The following TAFA5 variants were observed in gnomAD, a reference collection of about 807,000 sequenced individuals.
TAFA5 encodes the protein chemokine-like protein TAFA-5.
TAFA5 carries 6 observed loss-of-function variants against 15.3 expected under a neutral mutation model. The observed-to-expected ratio is 0.39, with a 90% confidence interval of 0.21 to 0.77. The LOEUF (loss-of-function observed/expected upper bound fraction) is 0.77. Among genes scored for constraint, TAFA5 ranks in the 30% least tolerant of loss-of-function variants. The pLI, the probability that TAFA5 is intolerant of heterozygous loss-of-function variation, is 0.41. For synonymous variants in TAFA5, 103 were observed against 80.7 expected (o/e 1.28, Z -1.48); for missense variants, 161 against 193.1 (o/e 0.83, Z 0.98).
intron 1 of TAFA5, among the ~76,000 whole-genome samples, chr22:48,621,388 TGTGTTGG>T (rs1391363181): frequency 1.3e-5 from 2 of 151,676 alleles, no homozygotes; most frequent in African/African-American, 4.8e-5. Context: ...CATCCATTCT[TGTGTTGG>T]GTGCTCCATC....
At chr22:48,589,899 C>T (rs866392168) in intron 1 of TAFA5, among the ~76,000 whole-genome samples, 5 of 152,014 alleles carry the variant, frequency 3.3e-5, no homozygotes, top group Admixed American at 6.6e-5. Context: ...TTTTAAGCCA[C>T]GAGTTTGTGG....
At chr22:48,625,107 C>A (rs1250739438) in intron 1 of TAFA5, among the ~76,000 whole-genome samples, 1 of 144,400 alleles carries the variant, frequency 6.9e-6, no homozygotes, top group Non-Finnish European at 1.5e-5. Flanking sequence ...AGAGTGAGAC[C>A]CTGTCTTGAA....
intron 1 of TAFA5, among the ~76,000 whole-genome samples, chr22:48,508,060 C>A (rs970075458): frequency 6.6e-6 from 1 of 152,106 alleles, no homozygotes; most frequent in Non-Finnish European, 1.5e-5. Flanking sequence ...TAGAGCCGCC[C>A]GCTTGCAGAG....
chr22:48,713,301 C>T (rs957148038), intron 3 of TAFA5, among the ~76,000 whole-genome samples: 1 of 152,338 alleles, frequency 6.6e-6, no homozygotes, highest in Admixed American at 6.5e-5. Context: ...CCGCTGATCT[C>T]GTGGGGGCTC....
In TAFA5 at chr22:48,507,295, G is replaced by A. The variant is rs570930866; in HGVS notation, c.112+17591G>A. Among the ~76,000 whole-genome samples, 4 of 146,468 alleles carry A rather than the reference G, an allele frequency of 2.7e-5. No homozygotes were observed. The East Asian group carries it at 8.6e-4, about 32-fold the overall frequency. On this transcript the variant is annotated intron_variant, in intron 1 of 3. Transcript: ENST00000402357. Reference sequence around the variant, plus strand: ...GAGACAGTCATCAAGGGCCAGGTGTGCAGTTGGAGGAGTGGCCGGCCGGTC... The same window carrying A: ...GAGACAGTCATCAAGGGCCAGGTGTACAGTTGGAGGAGTGGCCGGCCGGTC...
intron 2 of TAFA5, among the ~76,000 whole-genome samples, chr22:48,660,031 C>T (rs1272561065): frequency 1.3e-5 from 2 of 152,206 alleles, no homozygotes; most frequent in African/African-American, 4.8e-5. Flanking sequence ...GCGGGGACGG[C>T]TCTGGGCCAT....
intron 1 of TAFA5, among the ~76,000 whole-genome samples, chr22:48,553,423 T>C (rs559428994): frequency 6.6e-6 from 1 of 152,160 alleles, no homozygotes; most frequent in South Asian, 2.1e-4. Context: ...GGGAATAGGA[T>C]GGAGGGAGGG....
chr22:48,561,507 C>T (rs970041995), intron 1 of TAFA5, among the ~76,000 whole-genome samples: 3 of 152,174 alleles, frequency 2.0e-5, no homozygotes, highest in Admixed American at 2.0e-4. Context: ...TGGAGCCTGA[C>T]CTCTCTGTGG....
rs1331808980 is a variant in TAFA5, at chr22:48,751,560, A to T, written c.*1713A>T. 6.6e-6 allele frequency: 1 copy of T among 152,448 alleles called. No homozygotes were observed. The highest frequency in any genetic ancestry group is 1.5e-5 in the Non-Finnish European group (1 of 68,046). The allele number at this position is 152,448 out of a possible 1,614,324, so 9.4% of individuals were successfully genotyped here. On this transcript the variant is annotated 3_prime_UTR_variant, in exon 4 of 4. Coordinates refer to ENST00000402357, the MANE Select transcript of TAFA5 (RefSeq NM_001082967.3). ...AGACTGAAGATACGAAAGAAAATCC[A>T]TTTATTTAAGACCTGTTCCGGTATC... is the stretch of plus-strand genomic sequence containing the variant.
rs1921594337 is a variant in TAFA5 at position 48,521,347 on chromosome 22, C to A, written c.112+31643C>A. ...AAGGTTCCAGATCACGGCCCAGGGA[C>A]CCCTGGCGTTCAGTTTGCAGACATT... On this transcript the variant is annotated intron_variant, in intron 1 of 3. Transcript: ENST00000402357. Among the ~76,000 whole-genome samples, 2 of 152,170 alleles carry A rather than the reference C, an allele frequency of 1.3e-5. 1 individual carries two copies. The highest frequency in any genetic ancestry group is 4.2e-4 in the South Asian group (2 of 4,816).
intron 1 of TAFA5, among the ~76,000 whole-genome samples, chr22:48,613,284 G>A (rs572168608): frequency 5.3e-5 from 8 of 152,152 alleles, no homozygotes; most frequent in Non-Finnish European, 1.0e-4. Flanking sequence ...GGTCCCTTAC[G>A]TCTCTCCTGA....
chr22:48,684,223 G>T (rs1017348792), intron 2 of TAFA5, among the ~76,000 whole-genome samples: 1 of 152,092 alleles, frequency 6.6e-6, no homozygotes, highest in Non-Finnish European at 1.5e-5. Flanking sequence ...CCGTCCCTCA[G>T]CCCTTCCTGT....
intron 1 of TAFA5, among the ~76,000 whole-genome samples, chr22:48,493,858 A>G (rs1321380234): frequency 1.3e-5 from 2 of 152,204 alleles, no homozygotes; most frequent in African/African-American, 4.8e-5. Context: ...GGCTCTAGAC[A>G]GTGCCCTGGA....
At chr22:48,687,182 A>G (rs1601672164) in intron 2 of TAFA5, among the ~76,000 whole-genome samples, 2 of 149,024 alleles carry the variant, frequency 1.3e-5, no homozygotes, top group Admixed American at 6.6e-5. Context: ...GGATGAGTGG[A>G]TTGATGGATG....
intron 1 of TAFA5, among the ~76,000 whole-genome samples, chr22:48,594,446 G>A (rs1924687729): frequency 6.6e-6 from 1 of 152,232 alleles, no homozygotes; most frequent in African/African-American, 2.4e-5. Context: ...GCCTCTGAGG[G>A]CTACGCCCAC....
intron 1 of TAFA5, among the ~76,000 whole-genome samples, chr22:48,625,935 G>A (rs75417604): frequency 0.012 from 1,768 of 152,240 alleles, 32 homozygotes; most frequent in African/African-American, 0.04. Flanking sequence ...TCATGGAGTC[G>A]GATTCATAGT....
chr22:48,584,266 ACAC>A (rs1924236308), intron 1 of TAFA5, among the ~76,000 whole-genome samples: 1 of 108,640 alleles, frequency 9.2e-6, no homozygotes, highest in Non-Finnish European at 2.0e-5. Flanking sequence ...AATACATCAC[ACAC>A]CACACACACA....
intron 1 of TAFA5, among the ~76,000 whole-genome samples, chr22:48,523,937 G>A (rs61211087): frequency 0.019 from 2,903 of 152,252 alleles, 81 homozygotes; most frequent in African/African-American, 0.066. Flanking sequence ...GCCCACAGCT[G>A]CCACTGCACA....
chr22:48,677,192 C>T (rs956547888), intron 2 of TAFA5, among the ~76,000 whole-genome samples: 1 of 152,368 alleles, frequency 6.6e-6, no homozygotes, highest in African/African-American at 2.4e-5. Flanking sequence ...GAGTGCCCGT[C>T]GGGGATGCTG....
Sources: allele counts gnomAD v4.1 joint callset (sites outside exome capture counted in the v4.1 genomes callset), GRCh38; gene constraint gnomAD v4.1.1; transcripts MANE v1.5; gene names NCBI Gene and HGNC (gene_info 2026-07-23, HGNC 2026-07-21).